The following PTPRK variants were observed in gnomAD, a reference collection of about 807,000 sequenced individuals.
PTPRK encodes receptor-type tyrosine-protein phosphatase kappa.
In PTPRK, 75 loss-of-function variants were observed where a neutral mutation model predicts 178.0. The observed-to-expected ratio is 0.42, with a 90% CI of 0.35 to 0.51. PTPRK has a LOEUF of 0.51. Ranked by LOEUF, PTPRK falls within the 20% of genes least tolerant of loss-of-function variation. The pLI is 0.02. For missense variants in PTPRK, 1,441 were observed against 1,797.8 expected (o/e 0.80, Z 3.59); for synonymous variants, 637 against 620.6 (o/e 1.03, Z -0.39).
At chr6:128,200,629 G>C (rs906067941) in intron 6 of PTPRK, among the ~76,000 whole-genome samples, 3 of 151,588 alleles carry the variant, frequency 2.0e-5, no homozygotes, top group South Asian at 2.1e-4. Flanking sequence ...AGCTACTTGG[G>C]AGGCTGAGGT....
chr6:128,082,920 T>TA (rs1310407862), intron 9 of PTPRK, among the ~76,000 whole-genome samples: 1 of 152,052 alleles, frequency 6.6e-6, no homozygotes, highest in Non-Finnish European at 1.5e-5. Flanking sequence ...TATGCGTACA[T>TA]AAAAAATCTT....
chr6:128,392,722 C>A (rs1038327765), intron 2 of PTPRK, among the ~76,000 whole-genome samples: 2 of 146,962 alleles, frequency 1.4e-5, no homozygotes, highest in Non-Finnish European at 3.0e-5. Flanking sequence ...GACAGAAGAT[C>A]GGAATTTGAC....
At chr6:128,060,897 T>A (rs1390720085) in intron 13 of PTPRK, among the ~76,000 whole-genome samples, 3 of 152,196 alleles carry the variant, frequency 2.0e-5, no homozygotes, top group Admixed American at 2.0e-4. Context: ...TTAACTCACA[T>A]ATTGCTCTGA....
intron 3 of PTPRK, among the ~76,000 whole-genome samples, chr6:128,276,616 G>A (rs1365188997): frequency 1.3e-5 from 2 of 152,158 alleles, no homozygotes; most frequent in East Asian, 3.9e-4. Context: ...GCAGCTCCCA[G>A]TGTAATGTGA....
intron 3 of PTPRK, among the ~76,000 whole-genome samples, chr6:128,310,763 C>T (rs996713698): frequency 6.6e-6 from 1 of 152,174 alleles, no homozygotes; most frequent in Non-Finnish European, 1.5e-5. Flanking sequence ...ACCAGCAGGT[C>T]CATTTGTGAA....
intron 1 of PTPRK, among the ~76,000 whole-genome samples, chr6:128,498,154 TA>T (rs1855007107): frequency 6.6e-6 from 1 of 152,168 alleles, no homozygotes; most frequent in Non-Finnish European, 1.5e-5. Context: ...TCAAGAATGT[TA>T]AAAAGACAAA....
intron 15 of PTPRK, chr6:128,001,125 C>A: frequency 1.6e-6 from 2 of 1,235,290 alleles, no homozygotes; most frequent in South Asian, 2.8e-5. Context: ...CCTTATTATA[C>A]ATTTAAGAAT....
rs558433955 is a variant in PTPRK at position 128,131,162 on chromosome 6, T to A, written c.1163-41170A>T. Among the ~76,000 whole-genome samples, 80 of 152,316 alleles carry A rather than the reference T, an allele frequency of 5.3e-4. 1 individual carries two copies. The highest frequency in any genetic ancestry group is 9.0e-4 in the Non-Finnish European group (61 of 68,030). ...AAAAAGCATAGCTGAAATAAAGGAC[T>A]ACAGATTGTGCAGGGACAGAGCTTT... is the stretch of plus-strand genomic sequence containing the variant. On this transcript the variant is annotated intron_variant, in intron 7 of 29. Coordinates refer to ENST00000368226, the MANE Select transcript of PTPRK (RefSeq NM_002844.4).
At position 128,027,517 on chromosome 6, in the gene PTPRK, C is replaced by T. The variant is rs375520442; in HGVS notation, c.2195-18249G>A. On this transcript the variant is annotated intron_variant, in intron 13 of 29. Coordinates refer to ENST00000368226, the MANE Select transcript of PTPRK (RefSeq NM_002844.4). ...TAGCTTCCTCTGTTAAATGAATGAT[C>T]GTTTCAGAGCTTTCTAAATGCCAAA... Among the ~76,000 whole-genome samples the T allele has an allele frequency of 1.9e-4, 29 of 152,058 alleles. 1 individual carries two copies. In the South Asian group the frequency reaches 3.7e-3, roughly 20 times the overall value.
At chr6:128,246,001 T>G (rs1261738517) in intron 3 of PTPRK, among the ~76,000 whole-genome samples, 2 of 152,160 alleles carry the variant, frequency 1.3e-5, no homozygotes, top group South Asian at 2.1e-4. Context: ...CAAAAAAAGT[T>G]TTCTAAGGAT....
intron 6 of PTPRK, among the ~76,000 whole-genome samples, chr6:128,196,919 C>A (rs1239432559): frequency 6.6e-6 from 1 of 152,068 alleles, no homozygotes; most frequent in Non-Finnish European, 1.5e-5. Flanking sequence ...TAAAATGGCA[C>A]TAATATTTTC....
chr6:128,062,373 T>A (rs573643822), intron 13 of PTPRK: 1 of 162,052 alleles, frequency 6.2e-6, no homozygotes, highest in African/African-American at 2.5e-5. Context: ...GCCTGGCTCA[T>A]TTTTTTTAGT....
intron 6 of PTPRK, among the ~76,000 whole-genome samples, chr6:128,210,581 G>C (rs190267832): frequency 1.3e-5 from 2 of 152,074 alleles, no homozygotes; most frequent in Non-Finnish European, 2.9e-5. Flanking sequence ...AAGTATACTC[G>C]GAAGAGCTGG....
intron 3 of PTPRK, among the ~76,000 whole-genome samples, chr6:128,246,653 G>A (rs186304248): frequency 1.8e-4 from 28 of 152,328 alleles, no homozygotes; most frequent in African/African-American, 5.3e-4. Flanking sequence ...TACGCAAAGC[G>A]TGCTTGGGCT....
At chr6:128,212,667 A>G (rs1032505729) in intron 6 of PTPRK, among the ~76,000 whole-genome samples, 1 of 152,030 alleles carries the variant, frequency 6.6e-6, no homozygotes, top group Non-Finnish European at 1.5e-5. Context: ...ATCCTTTTCA[A>G]ATTCTTAAGA....
chr6:128,158,127 A>C (rs577083822), intron 7 of PTPRK, among the ~76,000 whole-genome samples: 15 of 152,078 alleles, frequency 9.9e-5, no homozygotes, highest in African/African-American at 3.6e-4. Context: ...GGTGTAAGGA[A>C]GGGATCCAGT....
At chr6:128,221,490 C>T (rs1300802962) in intron 5 of PTPRK, among the ~76,000 whole-genome samples, 3 of 150,580 alleles carry the variant, frequency 2.0e-5, no homozygotes, top group Admixed American at 1.3e-4. Context: ...CGCCACTGCA[C>T]TCCAGCCTGG....
chr6:128,042,965 G>A (rs1777446727), intron 13 of PTPRK, among the ~76,000 whole-genome samples: 1 of 151,982 alleles, frequency 6.6e-6, no homozygotes. Context: ...TACATGGGCA[G>A]TAGTTATTTC....
chr6:128,196,014 T>A (rs1347172567), intron 6 of PTPRK, among the ~76,000 whole-genome samples: 1 of 152,112 alleles, frequency 6.6e-6, no homozygotes, highest in Admixed American at 6.6e-5. Flanking sequence ...ATGGAGTCAC[T>A]GACTTTAGGT....
Sources: gnomAD v4.1 joint callset for allele counts (sites outside exome capture counted in the v4.1 genomes callset) on GRCh38, gnomAD v4.1.1 for gene constraint, MANE v1.5 for transcripts, NCBI Gene and HGNC (gene_info 2026-07-23, HGNC 2026-07-21) for gene names.